TPTE2: variants seen among roughly 807,000 people sequenced by gnomAD.
TPTE2 encodes transmembrane phosphoinositide 3-phosphatase and tensin homolog 2.
Under a neutral mutation model 78.6 loss-of-function variants are expected in TPTE2, and 53 were observed. The ratio of observed to expected loss-of-function variants is 0.67; its 90% CI spans 0.54 to 0.85. The LOEUF is 0.85. Ranked by LOEUF, TPTE2 falls within the 40% of genes least tolerant of loss-of-function variation. The pLI is 0.00. For synonymous variants in TPTE2, 175 were observed against 206.2 expected (o/e 0.85, Z 1.30); for missense variants, 461 against 623.0 (o/e 0.74, Z 2.77).
intron 1 of TPTE2, among the ~76,000 whole-genome samples, chr13:19,527,651 C>G (rs1203231351): frequency 3.3e-5 from 5 of 151,918 alleles, no homozygotes; most frequent in Admixed American, 1.3e-4. Flanking sequence ...AAGGCAGGCA[C>G]ATCACTTGAG....
At chr13:19,522,172 A>G (rs977008615) in intron 1 of TPTE2, among the ~76,000 whole-genome samples, 2 of 152,180 alleles carry the variant, frequency 1.3e-5, no homozygotes, top group African/African-American at 4.8e-5. Flanking sequence ...TGATTATCAC[A>G]CCAACTGTCA....
intron 1 of TPTE2, among the ~76,000 whole-genome samples, chr13:19,495,526 T>C (rs1881250067): frequency 1.3e-5 from 2 of 152,174 alleles, no homozygotes; most frequent in Admixed American, 6.5e-5. Context: ...CAAAAGAACA[T>C]TGCATACAAA....
At chr13:19,542,135 C>T in the TPTE2 span, among the ~76,000 whole-genome samples, 1 of 152,110 alleles carries the variant, frequency 6.6e-6, no homozygotes, top group Admixed American at 6.5e-5. Context: ...TTAATCTTTA[C>T]AACATCAATA....
At chr13:19,498,436 T>TA (rs200312186) in intron 1 of TPTE2, among the ~76,000 whole-genome samples, 16,284 of 152,030 alleles carry the variant, frequency 0.11, 1,000 homozygotes, top group Middle Eastern at 0.19. Context: ...CCCATCAGAC[T>TA]AACAGCAGAT....
intron 18 of TPTE2, chr13:19,425,972 T>C (rs759225002): frequency 2.7e-5 from 11 of 403,900 alleles, no homozygotes; most frequent in East Asian, 7.0e-5. Flanking sequence ...GGTGGGAGGA[T>C]TGCTTGAGCC....
chr13:19,508,967 C>T lies in TPTE2; in HGVS notation c.-43-5690G>A, dbSNP rs540756469. 5.9e-5 allele frequency among the ~76,000 whole-genome samples: 9 copies of T among 152,216 alleles called. No individual in the cohort carries two copies. The East Asian group carries it at 1.7e-3, about 29-fold the overall frequency. ...ACAGGATCAATATCATATTGCTGTT[C>T]TCTGAATATATTGTAATATGATTAG... On this transcript the variant is annotated intron_variant, in intron 1 of 17. Coordinates refer to the TPTE2 transcript ENST00000390680.
chr13:19,485,530 A>T (rs1370537443), intron 3 of TPTE2, among the ~76,000 whole-genome samples: 1 of 151,968 alleles, frequency 6.6e-6, no homozygotes, highest in Non-Finnish European at 1.5e-5. Flanking sequence ...GGTTGAATGT[A>T]TTTGGGGTTC....
intron 1 of TPTE2, among the ~76,000 whole-genome samples, chr13:19,531,040 G>A (rs890961983): frequency 2.0e-5 from 3 of 152,032 alleles, no homozygotes; most frequent in African/African-American, 7.2e-5. Flanking sequence ...CTGGAAACTA[G>A]TTTCTGTCTC....
Position 19,467,263 on chromosome 13 carries a change from G to C in TPTE2, c.474C>G (p.Tyr158Ter). Residue 158 changes from tyrosine (Y) to a stop codon, truncating the protein, a stop_gained, in exon 7 of 20, where the codon TAC becomes TAG. Coordinates refer to ENST00000400230, the Ensembl canonical transcript of TPTE2. LOFTEE classifies it high-confidence loss of function. ...TAAGCAACTTAATGTCAAAAAAAAT[G>C]TAAATGACATCAACCAGCAGAGGAA... 1 of 1,591,104 alleles carries C rather than the reference G, an allele frequency of 6.3e-7. No homozygotes were observed. The highest frequency in any genetic ancestry group is 1.2e-5 in the South Asian group (1 of 85,628).
At chr13:19,531,897 A>AGCCTG (rs1309487337) in intron 1 of TPTE2, among the ~76,000 whole-genome samples, 2 of 152,216 alleles carry the variant, frequency 1.3e-5, no homozygotes, top group Non-Finnish European at 2.9e-5. Context: ...ACTGCACTCC[A>AGCCTG]GCCTTGGTGA....
chr13:19,543,077 A>T, the TPTE2 span, among the ~76,000 whole-genome samples: 4 of 151,340 alleles, frequency 2.6e-5, no homozygotes, highest in African/African-American at 4.9e-5. Context: ...TTTTTAATTA[A>T]GACAGAGTCT....
At chr13:19,506,468 T>C (rs561094481), upstream of TPTE2, among the ~76,000 whole-genome samples, 38 of 152,298 alleles carry the variant, frequency 2.5e-4, no homozygotes, top group East Asian at 7.7e-4. Context: ...CCACCGCACC[T>C]GGCCTAAATC....
At chr13:19,557,595 C>A in the TPTE2 span, among the ~76,000 whole-genome samples, 1 of 152,200 alleles carries the variant, frequency 6.6e-6, no homozygotes, top group Admixed American at 6.5e-5. Flanking sequence ...CTCATCTATT[C>A]ATCAAGCTGG....
the TPTE2 span, among the ~76,000 whole-genome samples, chr13:19,544,297 TA>T: frequency 9.2e-5 from 14 of 152,172 alleles, no homozygotes; most frequent in African/African-American, 2.6e-4. Flanking sequence ...AGTAACATTA[TA>T]TTTTTTTCAA....
intron 1 of TPTE2, among the ~76,000 whole-genome samples, chr13:19,519,820 G>C (rs891820704): frequency 6.6e-6 from 1 of 152,108 alleles, no homozygotes; most frequent in African/African-American, 2.4e-5. Context: ...AAAAAGAGAA[G>C]CTAGGATTTT....
chr13:19,560,788 G>A, the TPTE2 span: 1 of 1,474,988 alleles, frequency 6.8e-7, no homozygotes, highest in Non-Finnish European at 9.3e-7. Flanking sequence ...GTCCACCTCT[G>A]GCACCGCTTG....
At chr13:19,455,114 G>A (rs1347537110) in intron 10 of TPTE2, among the ~76,000 whole-genome samples, 1 of 152,210 alleles carries the variant, frequency 6.6e-6, no homozygotes, top group Non-Finnish European at 1.5e-5. Context: ...GGCCAAGGGA[G>A]TGGTAGAGTC....
At chr13:19,552,425 A>T in the TPTE2 span, 1 of 368,752 alleles carries the variant, frequency 2.7e-6, no homozygotes, top group Non-Finnish European at 4.9e-6. Flanking sequence ...TTTTTAAAAA[A>T]ACCTTGTCAG....
At chr13:19,441,188 T>C (rs1481368710) in intron 13 of TPTE2, among the ~76,000 whole-genome samples, 5 of 152,112 alleles carry the variant, frequency 3.3e-5, no homozygotes, top group Non-Finnish European at 2.9e-5. Context: ...ATACCGTATG[T>C]TCTCACTCAT....
Sources: gnomAD v4.1 joint callset for allele counts (sites outside exome capture counted in the v4.1 genomes callset) on GRCh38, gnomAD v4.1.1 for gene constraint, MANE v1.5 for transcripts, NCBI Gene and HGNC (gene_info 2026-07-23, HGNC 2026-07-21) for gene names.